The following LGSN variants were observed in gnomAD, a reference collection of about 807,000 sequenced individuals.
LGSN encodes lengsin, lens protein with glutamine synthetase domain.
Under a neutral mutation model 19.5 loss-of-function variants are expected in LGSN, and 21 were observed. That is an observed-to-expected ratio of 1.07 (90% confidence interval 0.76 to 1.55). LGSN has a LOEUF of 1.55. Ranked by LOEUF, LGSN falls within the 40% of genes most tolerant of loss-of-function variation. The pLI is 0.00. For missense variants in LGSN, 673 were observed against 608.5 expected (o/e 1.11, Z -1.12); for synonymous variants, 257 against 215.6 (o/e 1.19, Z -1.68).
chr6:63,295,130 C>G (rs1326089937), intron 1 of LGSN, 85 bp from the exon 2 acceptor site: 3 of 1,297,062 alleles, frequency 2.3e-6, no homozygotes, highest in Non-Finnish European at 3.3e-6. Context: ...ATTTGAATAG[C>G]TCAATTTTTT....
At chr6:63,282,296 G>A (rs1767349214) in intron 3 of LGSN, among the ~76,000 whole-genome samples, 1 of 152,168 alleles carries the variant, frequency 6.6e-6, no homozygotes, top group South Asian at 2.1e-4. Context: ...AAGATCATGA[G>A]GTTAATAAAA....
the LGSN span, among the ~76,000 whole-genome samples, chr6:63,527,610 G>A: frequency 1.8e-4 from 28 of 152,000 alleles, no homozygotes; most frequent in South Asian, 5.0e-3. Flanking sequence ...TTTAAGTTTC[G>A]GTGACAACTC....
the LGSN span, among the ~76,000 whole-genome samples, chr6:63,452,653 T>TTCTCTCTCTCTCTCTC: frequency 6.8e-6 from 1 of 147,860 alleles, no homozygotes; most frequent in African/African-American, 2.5e-5. Context: ...TATGTTATCT[T>TTCTCTCTCTCTCTCTC]TCTCTCTCTC....
chr6:63,558,118 C>T, the LGSN span, among the ~76,000 whole-genome samples: 3 of 152,110 alleles, frequency 2.0e-5, no homozygotes, highest in African/African-American at 7.2e-5. Context: ...GATCCACCCA[C>T]CTCGGCCTCC....
chr6:63,432,475 A>T, the LGSN span, among the ~76,000 whole-genome samples: 8 of 152,164 alleles, frequency 5.3e-5, no homozygotes, highest in South Asian at 1.7e-3. Flanking sequence ...GTGGATCACC[A>T]GATCAGGAGA....
upstream of LGSN, among the ~76,000 whole-genome samples, chr6:63,320,260 C>T (rs1007036051): frequency 1.3e-5 from 2 of 152,084 alleles, no homozygotes; most frequent in Non-Finnish European, 2.9e-5. Context: ...ATTTTTGTTA[C>T]ATAACAATTG....
chr6:63,341,993 T>C, the LGSN span, among the ~76,000 whole-genome samples: 1 of 152,204 alleles, frequency 6.6e-6, no homozygotes, highest in Non-Finnish European at 1.5e-5. Context: ...GGTGAAGATT[T>C]CATTTTAGAG....
chr6:63,424,508 GA>G, the LGSN span, among the ~76,000 whole-genome samples: 7 of 146,594 alleles, frequency 4.8e-5, no homozygotes, highest in Non-Finnish European at 1.1e-4. Flanking sequence ...ACCAAAACCA[GA>G]CACACACACA....
the LGSN span, among the ~76,000 whole-genome samples, chr6:63,382,570 G>T: frequency 6.6e-6 from 1 of 152,204 alleles, no homozygotes; most frequent in Non-Finnish European, 1.5e-5. Context: ...GGAGGGTAAA[G>T]CCAATCATTT....
At chr6:63,524,986 A>T in the LGSN span, among the ~76,000 whole-genome samples, 2 of 152,214 alleles carry the variant, frequency 1.3e-5, no homozygotes, top group Non-Finnish European at 2.9e-5. Context: ...TAACTCCTAA[A>T]TTAGTGGAGT....
the LGSN span, among the ~76,000 whole-genome samples, chr6:63,525,069 A>G: frequency 2.3e-4 from 35 of 152,348 alleles, no homozygotes; most frequent in African/African-American, 7.9e-4. Context: ...AGCATTTCTG[A>G]AAGGGTGTTT....
chr6:63,500,893 AATTT>A, the LGSN span, among the ~76,000 whole-genome samples: 1 of 151,136 alleles, frequency 6.6e-6, no homozygotes, highest in African/African-American at 2.4e-5. Flanking sequence ...AGGCCTGGCT[AATTT>A]TTATATTTTT....
In LGSN at chr6:63,277,533, C is replaced by T. The variant is rs1053764673; in HGVS notation, c.*2488G>A. On this transcript the variant is annotated 3_prime_UTR_variant, in exon 4 of 4. Transcript: ENST00000370657. ...GGAAAAGAGAAAATAAATTTCATTG[C>T]AACTAACAAAGAATCAAAATCATTG... 2.6e-5 allele frequency: 4 copies of T among 152,090 alleles called. No homozygotes were observed. The highest frequency in any genetic ancestry group is 4.4e-5 in the Non-Finnish European group (3 of 68,018). The allele number at this position is 152,090 out of a possible 1,614,324, so 9.4% of individuals were successfully genotyped here. A position where few individuals can be genotyped will look rare whatever the true frequency, so the allele number is the denominator to read the frequency against.
the LGSN span, among the ~76,000 whole-genome samples, chr6:63,425,740 G>A: frequency 6.6e-6 from 1 of 152,110 alleles, no homozygotes; most frequent in East Asian, 1.9e-4. Context: ...GGGAGGCTGG[G>A]GCAGGAGGAT....
At chr6:63,324,767 A>G (rs1769193533), upstream of LGSN, among the ~76,000 whole-genome samples, 1 of 151,974 alleles carries the variant, frequency 6.6e-6, no homozygotes, top group African/African-American at 2.4e-5. Context: ...GTACAGCAAA[A>G]GCTCTGCTAA....
the LGSN span, among the ~76,000 whole-genome samples, chr6:63,393,797 T>C: frequency 6.6e-6 from 1 of 152,132 alleles, no homozygotes; most frequent in South Asian, 2.1e-4. Flanking sequence ...TGTGTGTCTG[T>C]GTCCTAAATT....
At chr6:63,548,553 C>A in the LGSN span, among the ~76,000 whole-genome samples, 1 of 152,176 alleles carries the variant, frequency 6.6e-6, no homozygotes, top group Non-Finnish European at 1.5e-5. Flanking sequence ...TCCTTCTATT[C>A]CTCTCTCCAA....
the LGSN span, among the ~76,000 whole-genome samples, chr6:63,531,801 C>G: frequency 2.0e-5 from 3 of 151,566 alleles, no homozygotes; most frequent in Non-Finnish European, 4.4e-5. Context: ...TCCCATAACA[C>G]TTTTATCTGC....
chr6:63,440,595 T>C, the LGSN span, among the ~76,000 whole-genome samples: 4 of 152,148 alleles, frequency 2.6e-5, no homozygotes, highest in Admixed American at 1.3e-4. Flanking sequence ...GTTTCTCCTT[T>C]CCCTAGATAT....
Sources: gnomAD v4.1 joint callset for allele counts (sites outside exome capture counted in the v4.1 genomes callset) on GRCh38, gnomAD v4.1.1 for gene constraint, MANE v1.5 for transcripts, NCBI Gene and HGNC (gene_info 2026-07-23, HGNC 2026-07-21) for gene names.